Variants in EXOC4 observed in about 807,000 individuals in gnomAD.
The protein encoded by EXOC4 is SEC8-like 1.
A neutral mutation model predicts 107.2 loss-of-function variants in EXOC4; 71 were observed. The ratio of observed to expected loss-of-function variants is 0.66; its 90% CI spans 0.55 to 0.81. The LOEUF is 0.81. EXOC4 is among the 30% of genes least tolerant of loss of function. The pLI is 0.00. For missense variants in EXOC4, 1,108 were observed against 1,189.6 expected, an observed-to-expected ratio of 0.93 and a Z score of 1.01; for synonymous variants, 456 against 441.2, an observed-to-expected ratio of 1.03 and a Z score of -0.42.
intron 5 of EXOC4, among the ~76,000 whole-genome samples, chr7:133,317,954 G>A (rs1192624682): frequency 6.6e-6 from 1 of 152,176 alleles, no homozygotes; most frequent in Non-Finnish European, 1.5e-5. Context: ...CACCACACCC[G>A]GGCGACCAGC....
intron 11 of EXOC4, among the ~76,000 whole-genome samples, chr7:133,832,228 A>C (rs1797825888): frequency 6.6e-6 from 1 of 152,170 alleles, no homozygotes; most frequent in Non-Finnish European, 1.5e-5. Flanking sequence ...CCCTTCAAAG[A>C]CATTGTTTTA....
At chr7:134,078,518 C>T in the EXOC4 span, among the ~76,000 whole-genome samples, 1 of 152,082 alleles carries the variant, frequency 6.6e-6, no homozygotes, top group African/African-American at 2.4e-5. Flanking sequence ...CCATCCTCAG[C>T]AGTAAGTGTT....
At chr7:133,665,108 T>C (rs902812882) in intron 10 of EXOC4, among the ~76,000 whole-genome samples, 1 of 152,208 alleles carries the variant, frequency 6.6e-6, no homozygotes, top group African/African-American at 2.4e-5. Flanking sequence ...AATTGTTATG[T>C]TGAATTTTTT....
chr7:133,882,440 G>A (rs188196003), intron 11 of EXOC4, among the ~76,000 whole-genome samples: 5 of 152,294 alleles, frequency 3.3e-5, no homozygotes, highest in Non-Finnish European at 5.9e-5. Context: ...TATTTATTGA[G>A]TACCTGTTAT....
At chr7:133,659,124 A>G (rs1400094481) in intron 10 of EXOC4, among the ~76,000 whole-genome samples, 4 of 145,936 alleles carry the variant, frequency 2.7e-5, no homozygotes, top group African/African-American at 1.0e-4. Context: ...AGCATTAGTC[A>G]TTGACCATCC....
At chr7:133,976,892 A>G (rs1793848252) in intron 14 of EXOC4, among the ~76,000 whole-genome samples, 1 of 152,226 alleles carries the variant, frequency 6.6e-6, no homozygotes, top group African/African-American at 2.4e-5. Context: ...GGAACATGCA[A>G]AACTTTAAGT....
In EXOC4 at chr7:133,537,895, A is replaced by C. The variant is rs115020383; in HGVS notation, c.1417+57757A>C. 5.4e-3 allele frequency among the ~76,000 whole-genome samples: 821 copies of C among 152,336 alleles called. 10 individuals are homozygous for C. Among genetic ancestry groups the C allele is most frequent in the African/African-American group, 0.018 (769 of 41,588 alleles). On this transcript the variant is annotated intron_variant, in intron 9 of 17. Coordinates refer to ENST00000253861, the MANE Select transcript of EXOC4 (RefSeq NM_021807.4). ...AAGATGGGGTTGTAAAGAGTTTTAC[A>C]TGTTGATCACAATAATACATATTTT...
intron 16 of EXOC4, among the ~76,000 whole-genome samples, chr7:134,006,873 C>A (rs1250506284): frequency 6.6e-6 from 1 of 152,176 alleles, no homozygotes; most frequent in Non-Finnish European, 1.5e-5. Context: ...AACTTAATTA[C>A]ATGGGATATC....
intron 11 of EXOC4, among the ~76,000 whole-genome samples, chr7:133,820,715 G>T (rs949103981): frequency 1.3e-5 from 2 of 152,176 alleles, no homozygotes; most frequent in Admixed American, 1.3e-4. Flanking sequence ...TTTCCCTGTG[G>T]CAACACCCAG....
At chr7:133,712,038 G>A (rs1334128032) in intron 10 of EXOC4, among the ~76,000 whole-genome samples, 1 of 152,080 alleles carries the variant, frequency 6.6e-6, no homozygotes, top group African/African-American at 2.4e-5. Context: ...TTAAGAATTA[G>A]AGGCTTAAAA....
At chr7:133,523,166 A>T (rs535243747) in intron 9 of EXOC4, among the ~76,000 whole-genome samples, 1 of 152,344 alleles carries the variant, frequency 6.6e-6, no homozygotes, top group Admixed American at 6.5e-5. Flanking sequence ...ATTTTAGAAT[A>T]AAAGATCAGA....
chr7:133,269,773 C>T (rs1413254879), intron 1 of EXOC4, among the ~76,000 whole-genome samples: 2 of 152,130 alleles, frequency 1.3e-5, no homozygotes, highest in African/African-American at 4.8e-5. Flanking sequence ...TATAAAACCT[C>T]TTTCTGTTTG....
intron 10 of EXOC4, among the ~76,000 whole-genome samples, chr7:133,709,054 G>A (rs1794828615): frequency 6.6e-6 from 1 of 152,214 alleles, no homozygotes; most frequent in African/African-American, 2.4e-5. Context: ...GACATCTGAT[G>A]TGGCTGTTCT....
intron 11 of EXOC4, among the ~76,000 whole-genome samples, chr7:133,853,345 A>AACACACAC (rs59000979): frequency 4.3e-4 from 50 of 115,566 alleles, no homozygotes; most frequent in East Asian, 2.0e-3. Flanking sequence ...CTCTCTCTTT[A>AACACACAC]ACACACACAC....
chr7:133,842,692 C>T (rs766018128), intron 11 of EXOC4, among the ~76,000 whole-genome samples: 4 of 151,520 alleles, frequency 2.6e-5, no homozygotes, highest in South Asian at 2.1e-4. Context: ...GCAATTGCTT[C>T]GTTATGAAAT....
intron 11 of EXOC4, among the ~76,000 whole-genome samples, chr7:133,880,552 C>T (rs867697903): frequency 2.6e-5 from 4 of 152,126 alleles, no homozygotes; most frequent in Non-Finnish European, 5.9e-5. Flanking sequence ...ATTCAAAATA[C>T]GTAAGTCAAC....
intron 17 of EXOC4, among the ~76,000 whole-genome samples, chr7:134,027,257 G>T (rs1196251390): frequency 6.6e-6 from 1 of 152,124 alleles, no homozygotes; most frequent in Non-Finnish European, 1.5e-5. Context: ...CTACTCTCAT[G>T]AACTGTGGAG....
chr7:133,955,073 T>C (rs1452136789), intron 14 of EXOC4, among the ~76,000 whole-genome samples: 1 of 152,238 alleles, frequency 6.6e-6, no homozygotes, highest in East Asian at 1.9e-4. Context: ...TCCTCTCTTC[T>C]GTCCTTGTTG....
At chr7:134,031,219 G>A (rs1795263771) in intron 17 of EXOC4, among the ~76,000 whole-genome samples, 2 of 152,302 alleles carry the variant, frequency 1.3e-5, no homozygotes, top group East Asian at 1.9e-4. Context: ...TCTGTAAATA[G>A]ATTAAAAGCC....
Sources: gnomAD v4.1 joint callset for allele counts (sites outside exome capture counted in the v4.1 genomes callset) on GRCh38, gnomAD v4.1.1 for gene constraint, MANE v1.5 for transcripts, NCBI Gene and HGNC (gene_info 2026-07-23, HGNC 2026-07-21) for gene names.